The following POLR2E variants were observed in gnomAD, a reference collection of about 807,000 sequenced individuals.
POLR2E encodes the protein DNA-directed RNA polymerases I, II, and III subunit RPABC1.
Under a neutral mutation model 29.8 loss-of-function variants are expected in POLR2E, and 35 were observed. The ratio of observed to expected loss-of-function variants is 1.17; its 90% CI spans 0.90 to 1.55. The LOEUF is 1.55. Among genes scored for constraint, POLR2E ranks in the 40% most tolerant of loss-of-function variants. The probability of loss-of-function intolerance (pLI) is 0.00; values close to 1 mark genes in which losing one functional copy is unlikely to be tolerated. For synonymous variants in POLR2E, 174 were observed against 112.6 expected, an observed-to-expected ratio of 1.55 and a Z score of -3.45; for missense variants, 287 against 288.6, an observed-to-expected ratio of 0.99 and a Z score of 0.04.
At position 1,092,580 on chromosome 19, in the gene POLR2E, C is replaced by T. The variant is rs189988587; in HGVS notation, c.233-673G>A. ...GCCCACGCCCGCAGTCCCAGCTACT[C>T]GGGAGGCTGAGGCAGGAGAATGGCG... On this transcript the variant is annotated intron_variant, in intron 2 of 7. Coordinates refer to ENST00000615234, the MANE Select transcript of POLR2E (RefSeq NM_002695.5). Among the ~76,000 whole-genome samples, 344 of 151,922 alleles carry T rather than the reference C, an allele frequency of 2.3e-3. 1 individual carries two copies. The highest frequency in any genetic ancestry group is 3.8e-3 in the Admixed American group (58 of 15,248).
rs143305982 is a variant in POLR2E at position 1,093,327 on chromosome 19, GC to G, written c.232+576del. Among the ~76,000 whole-genome samples the G allele has an allele frequency of 1.9e-3, 296 of 152,382 alleles. 1 individual carries two copies. The highest frequency in any genetic ancestry group is 6.9e-3 in the African/African-American group (285 of 41,598). On this transcript the variant is annotated intron_variant, in intron 2 of 7. Coordinates refer to ENST00000615234, the MANE Select transcript of POLR2E (RefSeq NM_002695.5). ...GCTTGCAATCCCCCAACCGCTGAGG[GC>G]TTTAGAGCCATACTAGGGAGGCAGA...
intron 2 of POLR2E, chr19:1,093,672 T>G: frequency 4.9e-6 from 6 of 1,219,284 alleles, no homozygotes; most frequent in South Asian, 2.0e-5. Context: ...CTCTCCTCGT[T>G]GGCAGGAAGA....
At chr19:1,091,405 G>C in intron 3 of POLR2E, 1 of 365,846 alleles carries the variant, frequency 2.7e-6, no homozygotes, top group South Asian at 3.0e-5. Flanking sequence ...CAGACAGACG[G>C]GGAACACGGA....
At chr19:1,089,682 C>A in intron 6 of POLR2E, 131 bp from the exon 7 acceptor site, 2 of 851,046 alleles carry the variant, frequency 2.4e-6, no homozygotes, top group South Asian at 1.5e-5. Context: ...GGCTGTGGGA[C>A]CCGCTCCCTG....
Position 1,090,090 on chromosome 19 carries a change from C to G in POLR2E, c.485G>C (p.Arg162Pro), listed in dbSNP as rs369309356. ...TKEEVTELLA[R>P]YKLRENQLPR... is the part of the protein sequence containing the mutation. ...CCGGTGGGGCTGGAAAGGATACTATCGGGCCAGCAGCTCTGTCACCTCCTC... is the reference window on the plus strand; with the variant it reads ...CCGGTGGGGCTGGAAAGGATACTATGGGGCCAGCAGCTCTGTCACCTCCTC... Residue 162 changes from arginine (R) to proline (P), a missense_variant, in exon 5 of 8, where the codon CGA becomes CCA. Arg to Pro is a moderately radical substitution (Grantham distance 103). Coordinates refer to ENST00000615234, the MANE Select transcript of POLR2E (RefSeq NM_002695.5). 11 of 1,612,306 alleles carry G rather than the reference C, an allele frequency of 6.8e-6. No homozygotes were observed. Among genetic ancestry groups the G allele is most frequent in the Non-Finnish European group, 8.5e-6 (10 of 1,179,744 alleles).
intron 2 of POLR2E, chr19:1,092,440 A>ATG (rs2043854963): frequency 6.6e-6 from 1 of 152,004 alleles, no homozygotes; most frequent in Non-Finnish European, 1.5e-5. Context: ...GGTGGCTCGC[A>ATG]CCTGTAATCC....
At chr19:1,090,778 G>A (rs2043812409) in intron 4 of POLR2E, 130 bp downstream of exon 4, 1 of 766,752 alleles carries the variant, frequency 1.3e-6, no homozygotes, top group South Asian at 1.8e-5. Context: ...GCCACCCTTT[G>A]AGAACCCTGT....
chr19:1,090,908 C>T lies in POLR2E; in HGVS notation c.429G>A (p.Glu143=). 2 of 1,612,512 alleles carry T rather than the reference C, an allele frequency of 1.2e-6. No homozygotes were observed. Among genetic ancestry groups the T allele is most frequent in the Non-Finnish European group, 8.5e-7 (1 of 1,179,720 alleles). Residue 143 remains glutamate, a splice_region_variant and synonymous_variant, in exon 4 of 8, where the codon GAG becomes GAA. Transcript: ENST00000615234. ...GCGGGATTCCGCGGCGCGCGCCCAC[C>T]TCGTGCTCCGTGATGTTGATGAGCA... The part of the protein sequence containing the change: ...QELLINITEH[E]LVPEHVVMTK...
At chr19:1,093,670 G>A (rs1568516431) in intron 2 of POLR2E, 2 of 1,212,842 alleles carry the variant, frequency 1.6e-6, no homozygotes. Context: ...GACTCTCCTC[G>A]TTGGCAGGAA....
intron 2 of POLR2E, among the ~76,000 whole-genome samples, chr19:1,093,135 G>C (rs574422215): frequency 6.6e-6 from 1 of 151,882 alleles, no homozygotes; most frequent in Admixed American, 6.6e-5. Context: ...GCAGCAAGCC[G>C]AGATGGCACC....
At chr19:1,095,050 G>A (rs1272194227) in intron 1 of POLR2E, 6 of 426,598 alleles carry the variant, frequency 1.4e-5, no homozygotes, top group Non-Finnish European at 2.5e-5. Flanking sequence ...ACCGCACCCA[G>A]ACGTCTCGAA....
chr19:1,093,810 G>T (rs1319706827), intron 2 of POLR2E, 94 bp downstream of exon 2: 3 of 1,448,922 alleles, frequency 2.1e-6, no homozygotes, highest in African/African-American at 1.4e-5. Context: ...GACAAATGCT[G>T]GGCACCAGGC....
At chr19:1,091,035 C>T in intron 3 of POLR2E, 47 bp from the exon 4 acceptor site, 2 of 1,536,714 alleles carry the variant, frequency 1.3e-6, no homozygotes, top group Non-Finnish European at 8.9e-7. Context: ...GCCCAGACAA[C>T]CCCAACCCCA....
intron 3 of POLR2E, among the ~76,000 whole-genome samples, chr19:1,091,321 G>A (rs999474438): frequency 6.6e-6 from 1 of 152,238 alleles, no homozygotes; most frequent in African/African-American, 2.4e-5. Flanking sequence ...GAACCCCACA[G>A]CTGGTGGGCC....
chr19:1,092,049 C>G, intron 2 of POLR2E, 142 bp from the exon 3 acceptor site: 1 of 628,702 alleles, frequency 1.6e-6, no homozygotes, highest in Non-Finnish European at 2.9e-6. Context: ...GTTTGCAAAA[C>G]GAGGCCTGAG....
intron 1 of POLR2E, 165 bp downstream of exon 1, chr19:1,095,094 G>T (rs1162936210): frequency 3.0e-6 from 2 of 661,312 alleles, no homozygotes; most frequent in Admixed American, 2.9e-5. Flanking sequence ...GCTCAGGTCG[G>T]GTCCAGCGCC....
chr19:1,090,766 G>C lies in POLR2E; in HGVS notation c.429+142C>G. ...CCCGGGTTCGGCTGCTGCAGGCCCAGGGCCACCCTTTGAGAACCCTGTCCT... is the reference window on the plus strand; with the variant it reads ...CCCGGGTTCGGCTGCTGCAGGCCCACGGCCACCCTTTGAGAACCCTGTCCT... On this transcript the variant is annotated intron_variant, in intron 4 of 7. Coordinates refer to ENST00000615234, the MANE Select transcript of POLR2E (RefSeq NM_002695.5). 3 of 712,444 alleles carry C rather than the reference G, an allele frequency of 4.2e-6. No homozygotes were observed. The South Asian group carries it at 5.6e-5, about 13-fold the overall frequency. The allele number at this position is 712,444 out of a possible 1,614,324, so 44.1% of individuals were successfully genotyped here. A position where few individuals can be genotyped will look rare whatever the true frequency, so the allele number is the denominator to read the frequency against.
Position 1,094,387 on chromosome 19 carries a change from G to A in POLR2E, c.58-309C>T, listed in dbSNP as rs1477044367. On this transcript the variant is annotated intron_variant, in intron 1 of 7. Transcript: ENST00000615234. Reference sequence around the variant, plus strand: ...ACCACTTTGCAGAGCTACCCTAAAGGCAGGGACAAAGGCGGGGCGCGGAGG... The same window carrying A: ...ACCACTTTGCAGAGCTACCCTAAAGACAGGGACAAAGGCGGGGCGCGGAGG... 2 of 363,960 alleles carry A rather than the reference G, an allele frequency of 5.5e-6. 1 individual carries two copies. Among genetic ancestry groups the A allele is most frequent in the Admixed American group, 9.4e-5 (2 of 21,250 alleles). 22.5% of individuals were successfully genotyped at this position (363,960 alleles called of 1,614,324 possible).
chr19:1,091,495 C>A (rs1348529221), intron 3 of POLR2E: 1 of 457,262 alleles, frequency 2.2e-6, no homozygotes, highest in Non-Finnish European at 4.0e-6. Context: ...ACCTCCGGCT[C>A]CTGGAATCTG....
Sources: allele counts gnomAD v4.1 joint callset (sites outside exome capture counted in the v4.1 genomes callset), GRCh38; gene constraint gnomAD v4.1.1; transcripts MANE v1.5; gene names NCBI Gene and HGNC (gene_info 2026-07-23, HGNC 2026-07-21).